Variants in MTG2 observed in about 807,000 individuals in gnomAD.
MTG2 encodes the protein mitochondrial ribosome-associated GTPase 2.
In MTG2, 23 loss-of-function variants were observed where a neutral mutation model predicts 28.6. The observed-to-expected ratio is 0.80, with a 90% confidence interval of 0.58 to 1.14. The LOEUF is 1.14. MTG2 is among the 50% of genes most tolerant of loss of function. The pLI is 0.00. For synonymous variants in MTG2, 260 were observed against 251.8 expected, an observed-to-expected ratio of 1.03 and a Z score of -0.31; for missense variants, 539 against 552.0, an observed-to-expected ratio of 0.98 and a Z score of 0.24.
chr20:62,197,070 A>C (rs902395681), intron 3 of MTG2: 1 of 150,852 alleles, frequency 6.6e-6, no homozygotes, highest in African/African-American at 2.4e-5. Flanking sequence ...AAAAAATTAT[A>C]TGGATATTCA....
At chr20:62,197,731 T>C (rs1048969479) in intron 3 of MTG2, 121 bp from the exon 4 acceptor site, 7 of 698,372 alleles carry the variant, frequency 1.0e-5, no homozygotes, top group Non-Finnish European at 1.7e-5. Flanking sequence ...TAACTTCTGC[T>C]GCACCCTCAC....
intron 1 of MTG2, among the ~76,000 whole-genome samples, chr20:62,191,826 G>A (rs185140765): frequency 1.3e-3 from 195 of 152,326 alleles, no homozygotes; most frequent in African/African-American, 4.6e-3. Flanking sequence ...GAGAGGGGCT[G>A]TCCTCTCCTG....
intron 1 of MTG2, among the ~76,000 whole-genome samples, chr20:62,185,180 G>A (rs1210809528): frequency 1.3e-5 from 2 of 152,036 alleles, no homozygotes; most frequent in South Asian, 2.1e-4. Context: ...TTGGGAGGCT[G>A]AGGTGGGCGG....
chr20:62,200,462 A>C (rs1018115122), intron 6 of MTG2, among the ~76,000 whole-genome samples: 3 of 152,148 alleles, frequency 2.0e-5, no homozygotes, highest in African/African-American at 7.2e-5. Context: ...AAACATCTCC[A>C]AGCATTGAAT....
Position 62,197,905 on chromosome 20 carries a change from A to G in MTG2, c.406A>G (p.Ser136Gly), listed in dbSNP as rs142949953. Residue 136 changes from serine (S) to glycine (G), a missense_variant, in exon 4 of 7, where the codon AGT (serine) becomes GGT (glycine). Ser to Gly is a moderately conservative substitution (Grantham distance 56, BLOSUM62 0). Transcript: ENST00000370823. ...GGTCCTGTCGCGGTACCAGGGTTTC[A>G]GTGGAGAAGATGGAGGGAGTAAAAA... ...SSVLSRYQGF[S>G]GEDGGSKNCF... The G allele has an allele frequency of 1.9e-5, 30 of 1,614,216 alleles. No homozygotes were observed. In the African/African-American group the frequency reaches 2.8e-4, roughly 15 times the overall value.
intron 1 of MTG2, among the ~76,000 whole-genome samples, chr20:62,183,512 T>C (rs1374116193): frequency 2.0e-5 from 3 of 152,266 alleles, no homozygotes; most frequent in Non-Finnish European, 2.9e-5. Context: ...ATTTGGATGA[T>C]AAAACAACAA....
chr20:62,186,925 G>A (rs1027469744), intron 1 of MTG2, among the ~76,000 whole-genome samples: 12 of 152,148 alleles, frequency 7.9e-5, no homozygotes, highest in African/African-American at 2.9e-4. Context: ...TGTGTGAAAG[G>A]ACATTGTTGC....
chr20:62,198,482 G>A lies in MTG2; in HGVS notation c.469-152G>A, dbSNP rs6121951. Reference sequence around the variant, plus strand: ...CACTGGGACCTTTTCCTTGTGCTCCGGAGCTGTTGGCAGAGGTGAGTGGGG... The same window carrying A: ...CACTGGGACCTTTTCCTTGTGCTCCAGAGCTGTTGGCAGAGGTGAGTGGGG... On this transcript the variant is annotated intron_variant, in intron 4 of 6. Coordinates refer to ENST00000370823, the MANE Select transcript of MTG2 (RefSeq NM_015666.4). The A allele has an allele frequency of 0.046, 34,358 of 753,236 alleles. 930 individuals are homozygous for A. Among genetic ancestry groups the A allele is most frequent in the African/African-American group, 0.067 (3,877 of 57,732 alleles). The allele number at this position is 753,236 out of a possible 1,614,324, so 46.7% of individuals were successfully genotyped here.
intron 3 of MTG2, among the ~76,000 whole-genome samples, chr20:62,196,602 C>T (rs1167535650): frequency 1.3e-5 from 2 of 151,706 alleles, no homozygotes; most frequent in Admixed American, 1.3e-4. Flanking sequence ...CCCAGGAGGT[C>T]GAGGTTGCAG....
chr20:62,201,057 CGCCAGCCGCT>C lies in MTG2; in HGVS notation c.1202_1211del (p.Arg401ProfsTer51), dbSNP rs1209984106. 1.3e-6 allele frequency: 2 copies of C among 1,597,876 alleles called. No individual in the cohort carries two copies. The highest frequency in any genetic ancestry group is 4.5e-5 in the East Asian group (2 of 44,592). On this transcript the variant is annotated frameshift_variant, in exon 7 of 7. Transcript: ENST00000370823. LOFTEE classifies it high-confidence loss of function. ...CGCGGAGGCCGAGCTGGGCCAGGGC[CGCCAGCCGCT>C]CAGGTGGTAGCCACGCCAGAGCGGG...
intron 3 of MTG2, chr20:62,197,407 GA>G (rs1291912766): frequency 6.9e-6 from 1 of 144,142 alleles, no homozygotes; most frequent in Non-Finnish European, 1.5e-5. Flanking sequence ...AAAAAAAAAA[GA>G]AAAAGCAACT....
chr20:62,197,896 C>T lies in MTG2; in HGVS notation c.397C>T (p.Gln133Ter). ...CCTGTCGTCGGTCCTGTCGCGGTACCAGGGTTTCAGTGGAGAAGATGGAGG... is the reference window on the plus strand; with the variant it reads ...CCTGTCGTCGGTCCTGTCGCGGTACTAGGGTTTCAGTGGAGAAGATGGAGG... ...KSLSSVLSRY[Q>*]GFSGEDGGSK... Residue 133 changes from glutamine (Q) to a stop codon, truncating the protein, a stop_gained, in exon 4 of 7, where the codon CAG becomes TAG. Transcript: ENST00000370823. LOFTEE classifies it high-confidence loss of function. 6.2e-7 allele frequency: 1 copy of T among 1,614,214 alleles called. No individual in the cohort carries two copies. Among genetic ancestry groups the T allele is most frequent in the Admixed American group, 1.7e-5 (1 of 60,030 alleles).
rs2145861332 is a variant in MTG2, at chr20:62,198,293, A to G, written c.468+326A>G. On this transcript the variant is annotated intron_variant, in intron 4 of 6. Transcript: ENST00000370823. ...AGCCGACCTCTGACTGAGGGAGGCC[A>G]CTGGCACCCAGCGGGCCTGCGTCTC... 2.1e-5 allele frequency: 11 copies of G among 520,542 alleles called. No individual in the cohort carries two copies. The South Asian group carries it at 2.4e-4, about 11-fold the overall frequency. The allele number at this position is 520,542 out of a possible 1,614,324, so 32.2% of individuals were successfully genotyped here.
intron 1 of MTG2, among the ~76,000 whole-genome samples, chr20:62,190,980 G>A (rs1016964090): frequency 2.6e-5 from 4 of 152,078 alleles, no homozygotes; most frequent in South Asian, 2.1e-4. Context: ...GGGAGCAGGC[G>A]GGGAGGTGGA....
At chr20:62,188,876 CT>C (rs60098615) in intron 1 of MTG2, 20,528 of 151,990 alleles carry the variant, frequency 0.14, 1,799 homozygotes, top group East Asian at 0.46. Flanking sequence ...TATGACACAT[CT>C]TATGGTCTGT....
intron 3 of MTG2, chr20:62,197,388 C>T (rs6062139): frequency 0.21 from 31,122 of 147,384 alleles, 3,297 homozygotes; most frequent in South Asian, 0.27. Flanking sequence ...CAGAGCGAGA[C>T]TCTGTCTAAA....
intron 4 of MTG2, 35 bp downstream of exon 4, chr20:62,198,002 G>C (rs778789327): frequency 6.3e-7 from 1 of 1,587,336 alleles, no homozygotes; most frequent in African/African-American, 1.3e-5. Flanking sequence ...CCCTGTCCCC[G>C]TTGTTCTGGA....
Position 62,199,178 on chromosome 20 carries a change from C to G in MTG2, c.747C>G (p.Pro249=). The G allele has an allele frequency of 6.2e-7, 1 of 1,614,204 alleles. No homozygotes were observed. The highest frequency in any genetic ancestry group is 8.5e-7 in the Non-Finnish European group (1 of 1,180,038). Residue 249 remains proline (P), a synonymous_variant, in exon 6 of 7, where the codon CCC becomes CCG. Coordinates refer to ENST00000370823, the MANE Select transcript of MTG2 (RefSeq NM_015666.4). ...TCCGGGCCATTTCAAACGCCAGACC[C>G]GCCGTGGCTTCCTACCCGTTCACCA... ...SLLRAISNAR[P]AVASYPFTTL...
chr20:62,200,510 G>A (rs1353498365), intron 6 of MTG2, among the ~76,000 whole-genome samples, 173 bp from the exon 7 acceptor site: 8 of 151,020 alleles, frequency 5.3e-5, no homozygotes, highest in African/African-American at 1.7e-4. Flanking sequence ...TCACCCAGGT[G>A]CTAAATCAAA....
Sources: gnomAD v4.1 joint callset for allele counts (sites outside exome capture counted in the v4.1 genomes callset) on GRCh38, gnomAD v4.1.1 for gene constraint, MANE v1.5 for transcripts, NCBI Gene and HGNC (gene_info 2026-07-23, HGNC 2026-07-21) for gene names.